Variants in PRKG1 observed in about 807,000 individuals in gnomAD.
The protein encoded by PRKG1 is cGMP-dependent protein kinase 1.
PRKG1 carries 35 observed loss-of-function variants against 88.1 expected under a neutral mutation model. That is an observed-to-expected ratio of 0.40 (90% CI 0.30 to 0.53). PRKG1 has a LOEUF of 0.53. PRKG1 is among the 20% of genes least tolerant of loss of function. PRKG1 has a pLI of 0.59. For synonymous variants in PRKG1, 303 were observed against 292.5 expected, an observed-to-expected ratio of 1.04 and a Z score of -0.37; for missense variants, 540 against 839.8, an observed-to-expected ratio of 0.64 and a Z score of 4.41.
At chr10:51,675,755 G>A (rs1840695035) in intron 3 of PRKG1, among the ~76,000 whole-genome samples, 1 of 152,010 alleles carries the variant, frequency 6.6e-6, no homozygotes, top group Admixed American at 6.6e-5. Flanking sequence ...TTTTTCCTGG[G>A]GCCCCATGTA....
At chr10:51,700,370 A>G (rs916234634) in intron 3 of PRKG1, among the ~76,000 whole-genome samples, 2 of 152,210 alleles carry the variant, frequency 1.3e-5, no homozygotes, top group African/African-American at 4.8e-5. Flanking sequence ...GATTAAATAA[A>G]TTAGTGATTA....
At chr10:51,882,140 A>G (rs779286815) in intron 4 of PRKG1, among the ~76,000 whole-genome samples, 4 of 152,224 alleles carry the variant, frequency 2.6e-5, no homozygotes, top group East Asian at 1.9e-4. Context: ...TACAGTTCAG[A>G]AAATGAATTA....
chr10:51,528,142 A>G (rs1023562936), intron 3 of PRKG1, among the ~76,000 whole-genome samples: 2 of 152,234 alleles, frequency 1.3e-5, no homozygotes, highest in East Asian at 1.9e-4. Context: ...TCATCTAGAG[A>G]TAAAAGAGTC....
chr10:51,186,780 G>C (rs1481707354), intron 2 of PRKG1, among the ~76,000 whole-genome samples: 1 of 151,576 alleles, frequency 6.6e-6, no homozygotes, highest in East Asian at 1.9e-4. Flanking sequence ...CTCACTTTCA[G>C]GGAGAATTTT....
chr10:51,242,387 A>G lies in PRKG1; in HGVS notation c.478+89057A>G, dbSNP rs1839178131. 3.9e-5 allele frequency among the ~76,000 whole-genome samples: 6 copies of G among 152,328 alleles called. No individual in the cohort carries two copies. In the South Asian group the frequency reaches 1.2e-3, roughly 32 times the overall value. ...CATAACAGTTTCTCTATCAAAGGAA[A>G]TAAATATTAGATTGGATAGGGTATA... On this transcript the variant is annotated intron_variant, in intron 2 of 17. Transcript: ENST00000373980.
At chr10:51,685,820 G>A (rs1026795869) in intron 3 of PRKG1, among the ~76,000 whole-genome samples, 9 of 151,890 alleles carry the variant, frequency 5.9e-5, no homozygotes, top group African/African-American at 1.9e-4. Context: ...GGTTTTGTGG[G>A]GAAAACAAAA....
At chr10:51,611,284 C>G (rs1838899991) in intron 3 of PRKG1, among the ~76,000 whole-genome samples, 6 of 152,036 alleles carry the variant, frequency 3.9e-5, no homozygotes, top group Admixed American at 2.6e-4. Flanking sequence ...TCACCAACGT[C>G]TATTATTTTT....
chr10:51,409,618 G>T lies in PRKG1; in HGVS notation c.479-58105G>T, dbSNP rs567717602. ...ATGTCTGTAATACCAACACGGGGAG[G>T]CTGAGGAGGGTGGATCATGAGGTCA... On this transcript the variant is annotated intron_variant, in intron 2 of 17. Coordinates refer to ENST00000373980, the MANE Select transcript of PRKG1 (RefSeq NM_006258.4). Among the ~76,000 whole-genome samples, 467 of 152,092 alleles carry T rather than the reference G, an allele frequency of 3.1e-3. 5 individuals carry two copies. The highest frequency in any genetic ancestry group is 0.011 in the African/African-American group (448 of 41,496).
chr10:51,501,790 C>CTTTT (rs5784871), intron 3 of PRKG1, among the ~76,000 whole-genome samples: 175 of 113,606 alleles, frequency 1.5e-3, no homozygotes, highest in South Asian at 2.4e-3. Flanking sequence ...ACTTTAGTTT[C>CTTTT]TTTTTTTTTT....
intron 4 of PRKG1, among the ~76,000 whole-genome samples, chr10:51,860,973 G>A (rs148681378): frequency 7.9e-4 from 120 of 152,272 alleles, no homozygotes; most frequent in African/African-American, 2.6e-3. Flanking sequence ...AATCTCTTCA[G>A]AGCAGGAATT....
intron 1 of PRKG1, among the ~76,000 whole-genome samples, chr10:51,009,289 G>A (rs1336049177): frequency 6.6e-6 from 1 of 152,134 alleles, no homozygotes; most frequent in Non-Finnish European, 1.5e-5. Flanking sequence ...AACTAATTTA[G>A]AAAAGCTTTA....
chr10:51,639,337 G>A (rs1839735905), intron 3 of PRKG1, among the ~76,000 whole-genome samples: 1 of 150,618 alleles, frequency 6.6e-6, no homozygotes, highest in East Asian at 2.0e-4. Context: ...GGGAGGCTGA[G>A]GCAGGAGAAT....
chr10:51,736,489 A>G (rs1458477836), intron 3 of PRKG1, among the ~76,000 whole-genome samples: 2 of 152,184 alleles, frequency 1.3e-5, no homozygotes, highest in Non-Finnish European at 2.9e-5. Flanking sequence ...CAAAGTTGAG[A>G]GAAGTTTAGA....
chr10:52,281,437 T>G (rs10824321), intron 13 of PRKG1, among the ~76,000 whole-genome samples: 7,212 of 81,498 alleles, frequency 0.088, 255 homozygotes, highest in South Asian at 0.29. Flanking sequence ...ATGCACAACT[T>G]TTGTTGGATC....
chr10:52,210,238 C>T (rs947060116), intron 9 of PRKG1, among the ~76,000 whole-genome samples: 20 of 151,934 alleles, frequency 1.3e-4, no homozygotes, highest in African/African-American at 4.8e-4. Context: ...CGTGTCATCT[C>T]TTAGGTCTTG....
chr10:51,497,088 T>C (rs1564523072), intron 3 of PRKG1, among the ~76,000 whole-genome samples: 2 of 152,210 alleles, frequency 1.3e-5, no homozygotes, highest in East Asian at 3.8e-4. Flanking sequence ...GCTCTGAGTT[T>C]TAGACCCACA....
At chr10:51,425,700 T>C (rs893791008) in intron 2 of PRKG1, among the ~76,000 whole-genome samples, 2 of 152,126 alleles carry the variant, frequency 1.3e-5, no homozygotes, top group African/African-American at 4.8e-5. Context: ...AAGCCCAGCG[T>C]GGTTCAAAAG....
chr10:51,317,757 ACTTAACAATCC>A (rs1294728531), intron 2 of PRKG1, among the ~76,000 whole-genome samples: 1 of 152,188 alleles, frequency 6.6e-6, no homozygotes, highest in Non-Finnish European at 1.5e-5. Flanking sequence ...GTTCCCTGTT[ACTTAACAATCC>A]ATCAGTGCCT....
chr10:51,129,250 T>C (rs754767581), intron 1 of PRKG1, among the ~76,000 whole-genome samples: 2 of 152,040 alleles, frequency 1.3e-5, no homozygotes, highest in Non-Finnish European at 2.9e-5. Flanking sequence ...TAGAGGCAGA[T>C]GGATCACATG....
Sources: allele counts gnomAD v4.1 joint callset (sites outside exome capture counted in the v4.1 genomes callset), GRCh38; gene constraint gnomAD v4.1.1; transcripts MANE v1.5; gene names NCBI Gene and HGNC (gene_info 2026-07-23, HGNC 2026-07-21).